The following RBBP4 variants were observed in gnomAD, a reference collection of about 807,000 sequenced individuals.
RBBP4 encodes the protein histone-binding protein RBBP4.
A neutral mutation model predicts 57.2 loss-of-function variants in RBBP4; 3 were observed. The observed-to-expected ratio is 0.05, with a 90% confidence interval of 0.02 to 0.14. The LOEUF (loss-of-function observed/expected upper bound fraction) is 0.14. RBBP4 is among the 10% of genes least tolerant of loss of function. RBBP4 has a pLI of 1.00. For synonymous variants in RBBP4, 151 were observed against 171.5 expected, an observed-to-expected ratio of 0.88 and a Z score of 0.93; for missense variants, 107 against 520.6, an observed-to-expected ratio of 0.21 and a Z score of 7.73.
chr1:32,665,575 G>A (rs1648609562), intron 3 of RBBP4, among the ~76,000 whole-genome samples: 1 of 151,814 alleles, frequency 6.6e-6, no homozygotes. Flanking sequence ...CTACTCAGGG[G>A]GCTGAGGCAG....
At position 32,677,470 on chromosome 1, in the gene RBBP4, T is replaced by TTAA. The variant is rs112860055; in HGVS notation, c.1213-2170_1213-2169insTAA. On this transcript the variant is annotated intron_variant, in intron 11 of 11. Coordinates refer to ENST00000373493, the MANE Select transcript of RBBP4 (RefSeq NM_005610.3). ...TGGTTCCTCAGTTGTATCCTTTATT[T>TTAA]AAAAAAAAAAACAAAACAAAAAACA... Among the ~76,000 whole-genome samples, 50 of 147,270 alleles carry TTAA rather than the reference T, an allele frequency of 3.4e-4. No individual in the cohort carries two copies. In the East Asian group the frequency reaches 7.8e-3, roughly 23 times the overall value.
chr1:32,665,412 T>A (rs2642550), intron 3 of RBBP4, among the ~76,000 whole-genome samples: 1 of 151,978 alleles, frequency 6.6e-6, no homozygotes, highest in African/African-American at 2.4e-5. Context: ...GCCCAGTGGC[T>A]CTCTCCTGTA....
chr1:32,670,754 A>G (rs1311902933), intron 8 of RBBP4, among the ~76,000 whole-genome samples: 1 of 152,132 alleles, frequency 6.6e-6, no homozygotes, highest in Non-Finnish European at 1.5e-5. Context: ...AAAATTTTAT[A>G]GTGAGGGAGG....
Position 32,672,702 on chromosome 1 carries a change from A to G in RBBP4, c.1101+3A>G. The stretch of plus-strand genomic sequence containing the variant: ...AAGACGGGCCACCAGAGTTGTTGGT[A>G]TGTTAAAAGCATTGGACAGTACTGA... On this transcript the variant is annotated splice_donor_region_variant and intron_variant, in intron 10 of 11. Transcript: ENST00000373493. 6.2e-7 allele frequency: 1 copy of G among 1,613,652 alleles called. No homozygotes were observed.
At position 32,682,093 on chromosome 1, in the gene RBBP4, G is replaced by T. The variant is rs746467732; in HGVS notation, c.*2388G>T. ...AACTTCTTACAGGTATAATTACAAT[G>T]CCTGAAATTCTGTAGTTTCATTTCT... On this transcript the variant is annotated 3_prime_UTR_variant, in exon 12 of 12. Coordinates refer to ENST00000373493, the MANE Select transcript of RBBP4 (RefSeq NM_005610.3). 3.3e-5 allele frequency: 17 copies of T among 510,202 alleles called. No individual in the cohort carries two copies. Among genetic ancestry groups the T allele is most frequent in the Non-Finnish European group, 4.5e-5 (13 of 286,706 alleles). The allele number at this position is 510,202 out of a possible 1,614,324, so 31.6% of individuals were successfully genotyped here. A position where few individuals can be genotyped will look rare whatever the true frequency, so the allele number is the denominator to read the frequency against.
intron 1 of RBBP4, chr1:32,651,566 C>A: frequency 9.2e-7 from 1 of 1,091,398 alleles, no homozygotes; most frequent in Non-Finnish European, 1.2e-6. Flanking sequence ...CTTCCTGCCT[C>A]CGATATCGGT....
chr1:32,673,531 A>G (rs12040512), intron 11 of RBBP4: 17,357 of 408,116 alleles, frequency 0.043, 646 homozygotes, highest in Admixed American at 0.11. Flanking sequence ...TCCACCTCCC[A>G]GGTTCGATCG....
chr1:32,651,479 C>T (rs1210937454), intron 1 of RBBP4, 157 bp downstream of exon 1: 6 of 1,365,782 alleles, frequency 4.4e-6, no homozygotes, highest in African/African-American at 1.5e-5. Context: ...GTGCTAACGG[C>T]TCGCCAGTTC....
At chr1:32,667,765 T>C (rs1281811192) in intron 3 of RBBP4, among the ~76,000 whole-genome samples, 1 of 152,226 alleles carries the variant, frequency 6.6e-6, no homozygotes, top group East Asian at 1.9e-4. Context: ...AATTCACAGA[T>C]GCTGAAGTCT....
intron 11 of RBBP4, among the ~76,000 whole-genome samples, chr1:32,675,928 CA>C (rs1166447665): frequency 4.1e-5 from 6 of 147,882 alleles, no homozygotes; most frequent in African/African-American, 7.4e-5. Flanking sequence ...GTGTCTCTAC[CA>C]AAAAAAAATT....
intron 3 of RBBP4, among the ~76,000 whole-genome samples, chr1:32,662,045 C>T (rs1158307887): frequency 6.6e-6 from 1 of 150,410 alleles, no homozygotes; most frequent in African/African-American, 2.5e-5. Flanking sequence ...GCCACCACAC[C>T]CAGCTAATTT....
intron 3 of RBBP4, 172 bp downstream of exon 3, chr1:32,657,744 C>G: frequency 5.9e-6 from 4 of 681,424 alleles, no homozygotes; most frequent in Non-Finnish European, 9.1e-6. Context: ...AGAAGAAATA[C>G]TTAACACATC....
At chr1:32,679,113 A>G (rs1400261803) in intron 11 of RBBP4, among the ~76,000 whole-genome samples, 3 of 152,280 alleles carry the variant, frequency 2.0e-5, no homozygotes, top group East Asian at 3.9e-4. Context: ...CCTGGCCAAC[A>G]TGGTGAAACC....
intron 3 of RBBP4, among the ~76,000 whole-genome samples, chr1:32,659,742 G>A (rs913256647): frequency 1.3e-5 from 2 of 152,094 alleles, no homozygotes; most frequent in African/African-American, 4.8e-5. Flanking sequence ...TGCTTTTATG[G>A]CCTAATATAT....
Position 32,680,648 on chromosome 1 carries a change from A to G in RBBP4, c.*943A>G. ...TTAAAATGGAATAAATTGCTTTTCT[A>G]CATAACCCCATGCTGATGGGTTTTA... On this transcript the variant is annotated 3_prime_UTR_variant, in exon 12 of 12. Coordinates refer to ENST00000373493, the MANE Select transcript of RBBP4 (RefSeq NM_005610.3). 2 of 1,114,926 alleles carry G rather than the reference A, an allele frequency of 1.8e-6. No homozygotes were observed. Among genetic ancestry groups the G allele is most frequent in the Non-Finnish European group, 1.3e-6 (1 of 770,230 alleles). The allele number at this position is 1,114,926 out of a possible 1,614,324, so 69.1% of individuals were successfully genotyped here.
In RBBP4 at chr1:32,684,024, T is replaced by TC. The variant is rs1649633665; in HGVS notation, c.*4321dup. On this transcript the variant is annotated 3_prime_UTR_variant, in exon 12 of 12. Coordinates refer to ENST00000373493, the MANE Select transcript of RBBP4 (RefSeq NM_005610.3). ...ACAAAGATCACCTTGAGACTGTGTCTCCATTCCACCTGCCTGAGAAGTGGG... is the reference window on the plus strand; with the variant it reads ...ACAAAGATCACCTTGAGACTGTGTCTCCCATTCCACCTGCCTGAGAAGTGGG... 1 of 1,614,060 alleles carries TC rather than the reference T, an allele frequency of 6.2e-7. No individual in the cohort carries two copies. Among genetic ancestry groups the TC allele is most frequent in the Non-Finnish European group, 8.5e-7 (1 of 1,180,010 alleles).
chr1:32,661,960 A>T (rs1330671950), intron 3 of RBBP4, among the ~76,000 whole-genome samples: 1 of 123,326 alleles, frequency 8.1e-6, no homozygotes, highest in East Asian at 2.6e-4. Context: ...ATCTCGGCTC[A>T]CTGCAACTTC....
At chr1:32,671,044 T>C (rs867043923) in intron 8 of RBBP4, among the ~76,000 whole-genome samples, 1 of 152,310 alleles carries the variant, frequency 6.6e-6, no homozygotes. Context: ...TTCTGTACCT[T>C]AAGGCTAGGT....
chr1:32,677,673 T>A (rs1024632721), intron 11 of RBBP4, among the ~76,000 whole-genome samples: 3 of 148,718 alleles, frequency 2.0e-5, no homozygotes, highest in Admixed American at 6.9e-5. Flanking sequence ...GACAGTCTTC[T>A]CCAAAGCTAA....
Sources: gnomAD v4.1 joint callset for allele counts (sites outside exome capture counted in the v4.1 genomes callset) on GRCh38, gnomAD v4.1.1 for gene constraint, MANE v1.5 for transcripts, NCBI Gene and HGNC (gene_info 2026-07-23, HGNC 2026-07-21) for gene names.